Variants in TRIO observed in about 807,000 individuals in gnomAD.
TRIO encodes trio Rho guanine nucleotide exchange factor, also known as triple functional domain protein.
A neutral mutation model predicts 351.9 loss-of-function variants in TRIO; 58 were observed. That is an observed-to-expected ratio of 0.16 (90% CI 0.13 to 0.21). TRIO has a LOEUF of 0.21. Among genes scored for constraint, TRIO ranks in the 10% least tolerant of loss-of-function variants. The pLI, the probability that TRIO is intolerant of heterozygous loss-of-function variation, is 1.00. For missense variants in TRIO, 3,201 were observed against 4,027.8 expected (o/e 0.79, Z 5.56); for synonymous variants, 1,758 against 1,595.7 (o/e 1.10, Z -2.42).
At chr5:14,313,971 G>A (rs951348841) in intron 8 of TRIO, among the ~76,000 whole-genome samples, 1 of 152,172 alleles carries the variant, frequency 6.6e-6, no homozygotes, top group Admixed American at 6.5e-5. Flanking sequence ...GAGGGCAAGT[G>A]GACTTTGGGG....
At chr5:14,335,022 C>CGTGTGTGTGT (rs144645388) in intron 10 of TRIO, among the ~76,000 whole-genome samples, 9 of 150,496 alleles carry the variant, frequency 6.0e-5, no homozygotes, top group African/African-American at 1.9e-4. Flanking sequence ...AGATCTGTCT[C>CGTGTGTGTGT]GTGTGTGTGT....
At chr5:14,261,189 C>CT (rs1561264017) in intron 1 of TRIO, among the ~76,000 whole-genome samples, 1 of 152,144 alleles carries the variant, frequency 6.6e-6, no homozygotes, top group Non-Finnish European at 1.5e-5. Context: ...AATTCAGTTC[C>CT]TTTTTCTTCT....
chr5:14,256,437 G>A (rs1167640987), intron 1 of TRIO, among the ~76,000 whole-genome samples: 2 of 152,192 alleles, frequency 1.3e-5, no homozygotes, highest in Non-Finnish European at 2.9e-5. Flanking sequence ...CCGCATAGTG[G>A]TTACGTCTAG....
intron 30 of TRIO, 31 bp downstream of exon 30, chr5:14,399,101 A>G (rs1251052388): frequency 6.3e-7 from 1 of 1,589,832 alleles, no homozygotes; most frequent in Non-Finnish European, 8.6e-7. Flanking sequence ...TTGTAAGTCT[A>G]AAGGTAACAC....
At chr5:14,204,872 A>G (rs59860884) in intron 1 of TRIO, among the ~76,000 whole-genome samples, 2,527 of 152,272 alleles carry the variant, frequency 0.017, 76 homozygotes, top group African/African-American at 0.057. Context: ...TGATTCAGTG[A>G]TTTAATATTT....
chr5:14,488,005 G>A lies in TRIO; in HGVS notation c.7377G>A (p.Ser2459=). 2 of 1,577,480 alleles carry A rather than the reference G, an allele frequency of 1.3e-6. No homozygotes were observed. Among genetic ancestry groups the A allele is most frequent in the Non-Finnish European group, 1.7e-6 (2 of 1,162,922 alleles). The stretch of plus-strand genomic sequence containing the variant: ...CCGGGGCCGCTTCGCCGCTGAACTC[G>A]CCGCTCTCCAGCGCGGTCCCTTCTC... ...PRAGAASPLN[S]PLSSAVPSLG... is the part of the protein sequence containing the mutation. The change falls in exon 48 of 57, where the codon TCG becomes TCA. Residue 2459 remains serine, a synonymous_variant. Coordinates refer to ENST00000344204, the MANE Select transcript of TRIO (RefSeq NM_007118.4).
At chr5:14,309,359 C>T (rs530124874) in intron 8 of TRIO, among the ~76,000 whole-genome samples, 4 of 152,170 alleles carry the variant, frequency 2.6e-5, no homozygotes, top group African/African-American at 9.7e-5. Flanking sequence ...CCTCCAACTC[C>T]TACCACCCAC....
At chr5:14,287,612 A>G (rs1029355501) in intron 4 of TRIO, among the ~76,000 whole-genome samples, 1 of 152,172 alleles carries the variant, frequency 6.6e-6, no homozygotes, top group Non-Finnish European at 1.5e-5. Flanking sequence ...TCAGTGGTAA[A>G]AACAAGACAA....
intron 1 of TRIO, among the ~76,000 whole-genome samples, chr5:14,202,607 A>G (rs373056254): frequency 1.3e-5 from 2 of 151,498 alleles, no homozygotes; most frequent in East Asian, 1.9e-4. Flanking sequence ...TTGAATCTTC[A>G]GGGTGGTTTA....
intron 11 of TRIO, among the ~76,000 whole-genome samples, chr5:14,352,318 T>A (rs1252874599): frequency 6.6e-6 from 1 of 152,214 alleles, no homozygotes; most frequent in Non-Finnish European, 1.5e-5. Context: ...CCTGCTTCTG[T>A]TTCTCAGTAG....
At chr5:14,321,609 A>G (rs1739893034) in intron 9 of TRIO, among the ~76,000 whole-genome samples, 1 of 152,194 alleles carries the variant, frequency 6.6e-6, no homozygotes, top group Non-Finnish European at 1.5e-5. Flanking sequence ...TTTTAACTTG[A>G]TGCTGTAGGC....
Position 14,502,561 on chromosome 5 carries a change from G to A in TRIO, c.8333-18G>A. On this transcript the variant is annotated intron_variant, in intron 53 of 56. Transcript: ENST00000344204. The stretch of plus-strand genomic sequence containing the variant: ...CTCCACGGGAAACAAGCTCAGGCAG[G>A]TGCTGTTCTTCTTGCAGGTCCAGGG... The A allele has an allele frequency of 1.9e-6, 3 of 1,613,894 alleles. No individual in the cohort carries two copies. The highest frequency in any genetic ancestry group is 1.1e-5 in the South Asian group (1 of 91,078).
chr5:14,176,073 G>A (rs1789386040), intron 1 of TRIO, among the ~76,000 whole-genome samples: 1 of 152,204 alleles, frequency 6.6e-6, no homozygotes, highest in Admixed American at 6.5e-5. Flanking sequence ...GGAAGCTGAG[G>A]TGGGACGATC....
At chr5:14,215,276 A>C (rs901348490) in intron 1 of TRIO, among the ~76,000 whole-genome samples, 1 of 152,216 alleles carries the variant, frequency 6.6e-6, no homozygotes, top group Non-Finnish European at 1.5e-5. Context: ...GAATTGTGGC[A>C]GTTGCTTCTA....
chr5:14,238,941 T>C (rs1318409190), intron 1 of TRIO, among the ~76,000 whole-genome samples: 3 of 152,206 alleles, frequency 2.0e-5, no homozygotes, highest in African/African-American at 7.2e-5. Context: ...AAACAGGTAC[T>C]TCGTAGGATT....
At chr5:14,144,839 TCCCGCGTCCCCGCGC>T (rs1466980862) in intron 1 of TRIO, among the ~76,000 whole-genome samples, 1 of 151,522 alleles carries the variant, frequency 6.6e-6, no homozygotes, top group Non-Finnish European at 1.5e-5. Flanking sequence ...CGTCCCCGCG[TCCCGCGTCCCCGCGC>T]CCAGTCCGGT....
At chr5:14,174,943 G>A (rs191223982) in intron 1 of TRIO, among the ~76,000 whole-genome samples, 1 of 152,256 alleles carries the variant, frequency 6.6e-6, no homozygotes, top group East Asian at 1.9e-4. Flanking sequence ...TCAAAATGTT[G>A]TTCATGCTCA....
At chr5:14,331,211 C>T (rs948018819) in intron 10 of TRIO, among the ~76,000 whole-genome samples, 1 of 152,204 alleles carries the variant, frequency 6.6e-6, no homozygotes, top group Non-Finnish European at 1.5e-5. Context: ...AATAACAGTT[C>T]CTTCTGCGTT....
chr5:14,253,261 T>TA lies in TRIO; in HGVS notation c.158-17563dup, dbSNP rs1390272484. Among the ~76,000 whole-genome samples, 18 of 152,228 alleles carry TA rather than the reference T, an allele frequency of 1.2e-4. 1 individual carries two copies. Among genetic ancestry groups the TA allele is most frequent in the South Asian group, 4.1e-4 (2 of 4,830 alleles). On this transcript the variant is annotated intron_variant, in intron 1 of 56. Coordinates refer to ENST00000344204, the MANE Select transcript of TRIO (RefSeq NM_007118.4). ...TTATTTTTAAATGCCTATTTAGGGG[T>TA]ATGTGTCACTGCATACATACTTTAC... is the stretch of plus-strand genomic sequence containing the variant.
Sources: gnomAD v4.1 joint callset for allele counts (sites outside exome capture counted in the v4.1 genomes callset) on GRCh38, gnomAD v4.1.1 for gene constraint, MANE v1.5 for transcripts, NCBI Gene and HGNC (gene_info 2026-07-23, HGNC 2026-07-21) for gene names.